RAB31: variants seen among roughly 807,000 people sequenced by gnomAD.
RAB31 encodes the protein ras-related protein Rab-31.
RAB31 carries 21 observed loss-of-function variants against 25.6 expected under a neutral mutation model. The ratio of observed to expected loss-of-function variants is 0.82; its 90% confidence interval spans 0.58 to 1.18. The LOEUF is 1.18. RAB31 is among the 50% of genes most tolerant of loss of function. RAB31 has a pLI of 0.00. For missense variants in RAB31, 196 were observed against 250.1 expected, an observed-to-expected ratio of 0.78 and a Z score of 1.46; for synonymous variants, 87 against 84.0, an observed-to-expected ratio of 1.04 and a Z score of -0.20.
intron 1 of RAB31, among the ~76,000 whole-genome samples, chr18:9,770,508 G>T (rs1020279570): frequency 1.3e-5 from 2 of 152,180 alleles, no homozygotes; most frequent in African/African-American, 4.8e-5. Context: ...CAGAATAAGT[G>T]GTTGTTCTCA....
intron 1 of RAB31, among the ~76,000 whole-genome samples, chr18:9,718,248 A>C (rs913832582): frequency 6.6e-6 from 1 of 150,792 alleles, no homozygotes; most frequent in African/African-American, 2.4e-5. Flanking sequence ...CAGCTAAAAT[A>C]TTTTCTGAAT....
At chr18:9,740,915 A>G (rs1399706189) in intron 1 of RAB31, among the ~76,000 whole-genome samples, 1 of 152,188 alleles carries the variant, frequency 6.6e-6, no homozygotes, top group African/African-American at 2.4e-5. Flanking sequence ...ATATGTCAGC[A>G]GTAGCAGCGC....
chr18:9,748,641 C>T (rs1206613102), intron 1 of RAB31, among the ~76,000 whole-genome samples: 2 of 151,772 alleles, frequency 1.3e-5, no homozygotes, highest in Non-Finnish European at 2.9e-5. Flanking sequence ...GCCTGTAATC[C>T]CAGCACTTTG....
chr18:9,856,007 C>T (rs1301312164), intron 6 of RAB31: 4 of 152,072 alleles, frequency 2.6e-5, no homozygotes, highest in South Asian at 2.1e-4. Flanking sequence ...AAGGAAGGCT[C>T]GGAGGTTTTA....
chr18:9,854,096 A>G (rs886848459), intron 6 of RAB31, among the ~76,000 whole-genome samples: 10 of 151,790 alleles, frequency 6.6e-5, no homozygotes, highest in African/African-American at 2.4e-4. Context: ...CCCTGCATGC[A>G]TTAGGTATTT....
chr18:9,737,553 A>G lies in RAB31; in HGVS notation c.39+29109A>G, dbSNP rs140726719. On this transcript the variant is annotated intron_variant, in intron 1 of 6. Coordinates refer to ENST00000578921, the MANE Select transcript of RAB31 (RefSeq NM_006868.4). Reference sequence around the variant, plus strand: ...GGGCGGGGAAATAATGCAGTTACTTATCTGCTACACTAACGAGCAGATGAC... The same window carrying G: ...GGGCGGGGAAATAATGCAGTTACTTGTCTGCTACACTAACGAGCAGATGAC... 4.0e-3 allele frequency among the ~76,000 whole-genome samples: 608 copies of G among 152,254 alleles called. 10 individuals carry two copies. The highest frequency in any genetic ancestry group is 0.014 in the African/African-American group (589 of 41,548).
In RAB31 at chr18:9,792,166, G is replaced by A. The variant is rs1235257777; in HGVS notation, c.132G>A (p.Met44Ile). Residue 44 changes from methionine to isoleucine, a missense_variant, in exon 3 of 7, where the codon ATG becomes ATA. Transcript: ENST00000578921. ...TCTCTTTTTTCAGGGCATCTTTTAT[G>A]ACCAAAACTGTGCCTTGTGGAAATG... ...NISPTIGASF[M>I]TKTVPCGNEL... 2 of 1,610,760 alleles carry A rather than the reference G, an allele frequency of 1.2e-6. No individual in the cohort carries two copies. The highest frequency in any genetic ancestry group is 4.5e-5 in the East Asian group (2 of 44,848).
chr18:9,743,988 T>C (rs2068193032), intron 1 of RAB31, among the ~76,000 whole-genome samples: 1 of 152,244 alleles, frequency 6.6e-6, no homozygotes, highest in Non-Finnish European at 1.5e-5. Flanking sequence ...CAGTGGGTGC[T>C]TTAATCATGG....
intron 1 of RAB31, among the ~76,000 whole-genome samples, chr18:9,720,392 G>C (rs149380542): frequency 3.8e-4 from 58 of 152,342 alleles, no homozygotes; most frequent in African/African-American, 1.2e-3. Flanking sequence ...AACAGTACCA[G>C]ACATCCCAGT....
intron 6 of RAB31, chr18:9,856,498 A>G (rs2068816701): frequency 6.6e-6 from 1 of 152,240 alleles, no homozygotes; most frequent in African/African-American, 2.4e-5. Flanking sequence ...CAAAAAACTT[A>G]TGAAAACAAG....
intron 3 of RAB31, among the ~76,000 whole-genome samples, chr18:9,794,577 G>A (rs1316548195): frequency 6.6e-6 from 1 of 152,180 alleles, no homozygotes; most frequent in Non-Finnish European, 1.5e-5. Context: ...AGCACTTTGG[G>A]AGGCTGAGAT....
At chr18:9,841,580 G>A (rs906455516) in intron 5 of RAB31, among the ~76,000 whole-genome samples, 16 of 149,078 alleles carry the variant, frequency 1.1e-4, no homozygotes, top group African/African-American at 3.7e-4. Flanking sequence ...CTTTATTCAT[G>A]ATTCTAGAAC....
At chr18:9,805,642 G>A (rs2068536447) in intron 3 of RAB31, among the ~76,000 whole-genome samples, 1 of 152,130 alleles carries the variant, frequency 6.6e-6, no homozygotes, top group African/African-American at 2.4e-5. Context: ...ACCTCTTTGG[G>A]GGACACTATT....
At chr18:9,729,526 CAA>C (rs11431212) in intron 1 of RAB31, among the ~76,000 whole-genome samples, 7 of 131,656 alleles carry the variant, frequency 5.3e-5, no homozygotes, top group Admixed American at 7.6e-5. Flanking sequence ...GACTCCGTCT[CAA>C]AAAAAAAAAA....
intron 3 of RAB31, among the ~76,000 whole-genome samples, chr18:9,812,023 G>A (rs2068574392): frequency 6.6e-6 from 1 of 152,176 alleles, no homozygotes; most frequent in South Asian, 2.1e-4. Flanking sequence ...GTGCCTGTGA[G>A]GGCCCCCTTT....
intron 3 of RAB31, among the ~76,000 whole-genome samples, chr18:9,808,176 T>C (rs1226379455): frequency 1.3e-5 from 2 of 152,112 alleles, no homozygotes; most frequent in African/African-American, 4.8e-5. Context: ...CCCTGAATGC[T>C]GAGAAAGCTT....
chr18:9,795,677 A>C (rs1399489403), intron 3 of RAB31, among the ~76,000 whole-genome samples: 1 of 152,258 alleles, frequency 6.6e-6, no homozygotes, highest in Non-Finnish European at 1.5e-5. Context: ...TCAAAACCAC[A>C]ATATGATACG....
rs139873172 is a variant in RAB31 at position 9,720,576 on chromosome 18, A to G, written c.39+12132A>G. ...CGGTGGGAGTGGCTTCACTTACATG[A>G]GACACACACACACAGGGAGAAGGTT... On this transcript the variant is annotated intron_variant, in intron 1 of 6. Coordinates refer to ENST00000578921, the MANE Select transcript of RAB31 (RefSeq NM_006868.4). 2.4e-3 allele frequency among the ~76,000 whole-genome samples: 364 copies of G among 151,342 alleles called. 1 individual carries two copies. Among genetic ancestry groups the G allele is most frequent in the African/African-American group, 8.2e-3 (340 of 41,220 alleles).
chr18:9,799,100 A>G (rs887602059), intron 3 of RAB31, among the ~76,000 whole-genome samples: 2 of 152,110 alleles, frequency 1.3e-5, no homozygotes, highest in Admixed American at 1.3e-4. Flanking sequence ...AAAATTTGTT[A>G]GAGATGAGGT....
Sources: gnomAD v4.1 joint callset for allele counts (sites outside exome capture counted in the v4.1 genomes callset) on GRCh38, gnomAD v4.1.1 for gene constraint, MANE v1.5 for transcripts, NCBI Gene and HGNC (gene_info 2026-07-23, HGNC 2026-07-21) for gene names.